The following RBFOX1 variants were observed in gnomAD, a reference collection of about 807,000 sequenced individuals.
RBFOX1 encodes RNA binding protein fox-1 homolog 1.
In RBFOX1, 8 loss-of-function variants were observed where a neutral mutation model predicts 57.7. The observed-to-expected ratio is 0.14, with a 90% CI of 0.08 to 0.25. The LOEUF (loss-of-function observed/expected upper bound fraction) is 0.25. Ranked by LOEUF, RBFOX1 falls within the 10% of genes least tolerant of loss-of-function variation. RBFOX1 has a pLI of 1.00. For missense variants in RBFOX1, 611 were observed against 548.5 expected (o/e 1.11, Z -1.14); for synonymous variants, 326 against 222.4 (o/e 1.47, Z -4.15).
intron 1 of RBFOX1, among the ~76,000 whole-genome samples, chr16:6,147,083 C>A (rs74004990): frequency 6.6e-6 from 1 of 152,088 alleles, no homozygotes; most frequent in Admixed American, 6.5e-5. Context: ...GCCCCAGCTT[C>A]CACCCACGGA....
At chr16:6,944,959 G>A (rs149876887) in intron 3 of RBFOX1, among the ~76,000 whole-genome samples, 4 of 152,130 alleles carry the variant, frequency 2.6e-5, no homozygotes, top group Admixed American at 1.3e-4. Flanking sequence ...GCTGACTGCT[G>A]TATGGAGTAC....
intron 2 of RBFOX1, among the ~76,000 whole-genome samples, chr16:5,536,839 G>T (rs1417273873): frequency 6.6e-6 from 1 of 152,134 alleles, no homozygotes; most frequent in Non-Finnish European, 1.5e-5. Flanking sequence ...ACAGACAGCA[G>T]GTGCATCTGT....
intron 4 of RBFOX1, among the ~76,000 whole-genome samples, chr16:7,480,281 C>T (rs2063619423): frequency 6.6e-6 from 1 of 152,194 alleles, no homozygotes; most frequent in African/African-American, 2.4e-5. Context: ...ACAGATCTGA[C>T]ATCTAGTCCT....
intron 3 of RBFOX1, among the ~76,000 whole-genome samples, chr16:6,667,551 A>G (rs907548380): frequency 7.9e-5 from 12 of 152,130 alleles, no homozygotes; most frequent in African/African-American, 2.2e-4. Context: ...CACTGAGGGT[A>G]CTTATCATCT....
intron 1 of RBFOX1, among the ~76,000 whole-genome samples, chr16:5,443,895 T>C (rs1000652419): frequency 6.6e-6 from 1 of 152,176 alleles, no homozygotes; most frequent in Non-Finnish European, 1.5e-5. Context: ...TCTGGCATCT[T>C]ATTTGCCGAG....
intron 3 of RBFOX1, among the ~76,000 whole-genome samples, chr16:6,964,985 G>A (rs766979849): frequency 2.0e-5 from 3 of 152,138 alleles, no homozygotes; most frequent in Non-Finnish European, 2.9e-5. Flanking sequence ...CCTATCCTAC[G>A]TGCTTCATAA....
intron 3 of RBFOX1, among the ~76,000 whole-genome samples, chr16:6,724,624 G>A (rs2154167400): frequency 6.6e-6 from 1 of 152,234 alleles, no homozygotes; most frequent in Admixed American, 6.5e-5. Flanking sequence ...TTATTTAGAA[G>A]CCACCCAGTC....
At chr16:6,312,733 C>T (rs1417943768) in intron 1 of RBFOX1, among the ~76,000 whole-genome samples, 2 of 148,256 alleles carry the variant, frequency 1.3e-5, no homozygotes, top group Non-Finnish European at 3.0e-5. Context: ...TCCTTCCTTC[C>T]TTACTTCTTT....
chr16:5,588,890 A>T (rs958283056), intron 2 of RBFOX1, among the ~76,000 whole-genome samples: 5 of 152,114 alleles, frequency 3.3e-5, no homozygotes, highest in Admixed American at 2.0e-4. Flanking sequence ...GAGAGGTACA[A>T]TTGGGTGGTT....
chr16:5,529,888 G>A (rs2044396198), intron 2 of RBFOX1, among the ~76,000 whole-genome samples: 1 of 152,060 alleles, frequency 6.6e-6, no homozygotes, highest in South Asian at 2.1e-4. Flanking sequence ...TTTAAATGGG[G>A]ATATTTAGAC....
chr16:6,612,713 G>A (rs924620024), intron 2 of RBFOX1, among the ~76,000 whole-genome samples: 1 of 151,898 alleles, frequency 6.6e-6, no homozygotes, highest in Non-Finnish European at 1.5e-5. Context: ...TTAGCCGGGT[G>A]TGGTGGTCGG....
intron 1 of RBFOX1, among the ~76,000 whole-genome samples, chr16:5,307,878 A>G (rs2063979620): frequency 1.3e-5 from 2 of 152,052 alleles, no homozygotes; most frequent in Non-Finnish European, 1.5e-5. Context: ...AGATCTCACC[A>G]TGTGGCCCTG....
At chr16:5,857,448 G>C (rs961881868) in intron 3 of RBFOX1, among the ~76,000 whole-genome samples, 1 of 152,030 alleles carries the variant, frequency 6.6e-6, no homozygotes, top group Non-Finnish European at 1.5e-5. Context: ...CTTGACACAG[G>C]GTTGCCGTAA....
At chr16:5,335,614 G>A (rs1008012718) in intron 1 of RBFOX1, among the ~76,000 whole-genome samples, 2 of 152,290 alleles carry the variant, frequency 1.3e-5, no homozygotes, top group African/African-American at 4.8e-5. Context: ...ACATGAGCGA[G>A]CAGATTAGGA....
intron 3 of RBFOX1, among the ~76,000 whole-genome samples, chr16:5,745,516 T>G (rs144808212): frequency 1.3e-5 from 2 of 152,318 alleles, no homozygotes; most frequent in African/African-American, 2.4e-5. Context: ...AGGAATCGCC[T>G]TACTGTCTTC....
intron 4 of RBFOX1, among the ~76,000 whole-genome samples, chr16:7,265,958 G>GTTTTGTTTTTTTTTTTTTTTTTTT (rs1567956407): frequency 1.9e-5 from 2 of 107,604 alleles, no homozygotes; most frequent in South Asian, 3.1e-4. Context: ...GATCTGGTGG[G>GTTTTGTTTTTTTTTTTTTTTTTTT]TTTTTGTTTT....
intron 4 of RBFOX1, among the ~76,000 whole-genome samples, chr16:7,252,695 C>CTTT (rs541617900): frequency 1.4e-5 from 2 of 141,482 alleles, no homozygotes; most frequent in African/African-American, 2.6e-5. Flanking sequence ...CATTTACATC[C>CTTT]TTTTTTTTTT....
At chr16:7,217,390 A>T (rs2092286120) in intron 4 of RBFOX1, among the ~76,000 whole-genome samples, 1 of 146,514 alleles carries the variant, frequency 6.8e-6, no homozygotes, top group South Asian at 2.2e-4. Flanking sequence ...TGGCCTCCCA[A>T]AGTGCTGGGA....
intron 2 of RBFOX1, among the ~76,000 whole-genome samples, chr16:5,552,036 C>G (rs2045485676): frequency 6.6e-6 from 1 of 152,134 alleles, no homozygotes; most frequent in African/African-American, 2.4e-5. Context: ...CTTTTCTAAG[C>G]TCTGGTTTCC....
Sources: gnomAD v4.1 joint callset for allele counts (sites outside exome capture counted in the v4.1 genomes callset) on GRCh38, gnomAD v4.1.1 for gene constraint, MANE v1.5 for transcripts, NCBI Gene and HGNC (gene_info 2026-07-23, HGNC 2026-07-21) for gene names.